The following C8orf34 variants were observed in gnomAD, a reference collection of about 807,000 sequenced individuals.
The protein encoded by C8orf34 is chromosome 8 open reading frame 34.
Under a neutral mutation model 68.3 loss-of-function variants are expected in C8orf34, and 65 were observed. That is an observed-to-expected ratio of 0.95 (90% CI 0.78 to 1.17). C8orf34 has a LOEUF of 1.17. Ranked by LOEUF, C8orf34 falls within the 50% of genes most tolerant of loss-of-function variation. C8orf34 has a pLI of 0.00. For missense variants in C8orf34, 664 were observed against 655.4 expected (o/e 1.01, Z -0.14); for synonymous variants, 244 against 241.2 (o/e 1.01, Z -0.11).
intron 7 of C8orf34, among the ~76,000 whole-genome samples, chr8:68,585,658 G>A (rs1423405343): frequency 6.6e-6 from 1 of 152,046 alleles, no homozygotes; most frequent in Non-Finnish European, 1.5e-5. Context: ...GCAGTCAGTG[G>A]GTCAGCCAGG....
At chr8:68,756,086 C>CAAA (rs11393381) in intron 10 of C8orf34, among the ~76,000 whole-genome samples, 1 of 145,830 alleles carries the variant, frequency 6.9e-6, no homozygotes, top group Non-Finnish European at 1.5e-5. Flanking sequence ...AACAAAAAAA[C>CAAA]AAAAAAAAAA....
intron 7 of C8orf34, among the ~76,000 whole-genome samples, chr8:68,538,461 T>C (rs1196156967): frequency 6.8e-6 from 1 of 146,160 alleles, no homozygotes; most frequent in Non-Finnish European, 1.5e-5. Flanking sequence ...GATATTTCTC[T>C]AAAGTGCTTT....
intron 1 of C8orf34, among the ~76,000 whole-genome samples, chr8:68,418,773 GC>G (rs1809798451): frequency 6.6e-6 from 1 of 152,026 alleles, no homozygotes. Context: ...AAACTGGCTA[GC>G]CATATGTAGA....
intron 1 of C8orf34, among the ~76,000 whole-genome samples, chr8:68,377,144 C>G (rs898740317): frequency 4.6e-5 from 7 of 152,118 alleles, no homozygotes; most frequent in African/African-American, 1.7e-4. Flanking sequence ...GTAATCCTAG[C>G]TCTTTGGAAG....
intron 7 of C8orf34, among the ~76,000 whole-genome samples, chr8:68,584,215 C>G (rs1445154815): frequency 6.6e-6 from 1 of 152,006 alleles, no homozygotes; most frequent in African/African-American, 2.4e-5. Flanking sequence ...TGAAATGGTA[C>G]CTTCAGAATG....
chr8:68,391,556 A>G (rs1367266266), intron 1 of C8orf34, among the ~76,000 whole-genome samples: 1 of 152,138 alleles, frequency 6.6e-6, no homozygotes, highest in African/African-American at 2.4e-5. Flanking sequence ...TTAACTAATT[A>G]TTTATCTTCT....
rs1210429048 is a variant in C8orf34, at chr8:68,532,678, T to C, written c.939-305T>C. On this transcript the variant is annotated intron_variant, in intron 6 of 13. Coordinates refer to ENST00000518698, the MANE Select transcript of C8orf34 (RefSeq NM_052958.4). ...AAATCAGGGACTAATAATCTGGACC[T>C]TCTAGCTCTTCTTTAAAAATCAGAA... 2.0e-5 allele frequency among the ~76,000 whole-genome samples: 3 copies of C among 152,334 alleles called. No individual in the cohort carries two copies. The East Asian group carries it at 5.8e-4, about 29-fold the overall frequency.
intron 10 of C8orf34, among the ~76,000 whole-genome samples, chr8:68,755,097 A>C (rs551039662): frequency 6.6e-5 from 10 of 152,332 alleles, no homozygotes; most frequent in African/African-American, 2.4e-4. Flanking sequence ...GTCATTATAA[A>C]TATTCACACT....
chr8:68,512,607 T>A (rs1197794998), intron 5 of C8orf34, among the ~76,000 whole-genome samples: 1 of 152,144 alleles, frequency 6.6e-6, no homozygotes, highest in Non-Finnish European at 1.5e-5. Flanking sequence ...TATAACCTTT[T>A]ATAACTAAAT....
chr8:68,535,244 A>G (rs1416831812), intron 7 of C8orf34: 3 of 978,986 alleles, frequency 3.1e-6, no homozygotes, highest in Non-Finnish European at 3.6e-6. Flanking sequence ...GAGTTTATAT[A>G]GAATCATTGT....
At chr8:68,476,884 T>C (rs1053488846) in intron 4 of C8orf34, among the ~76,000 whole-genome samples, 2 of 152,230 alleles carry the variant, frequency 1.3e-5, no homozygotes, top group African/African-American at 4.8e-5. Context: ...CTGCAGTTGC[T>C]TATCACAAAA....
At chr8:68,351,487 A>G (rs1252073072) in intron 1 of C8orf34, among the ~76,000 whole-genome samples, 2 of 152,024 alleles carry the variant, frequency 1.3e-5, no homozygotes, top group Admixed American at 6.6e-5. Context: ...GTATTTCCTG[A>G]ATTTGACTAC....
In C8orf34 at chr8:68,388,581, C is replaced by A. The variant is rs144025689; in HGVS notation, c.328-50918C>A. Among the ~76,000 whole-genome samples, 674 of 152,170 alleles carry A rather than the reference C, an allele frequency of 4.4e-3. 2 individuals are homozygous for A. The highest frequency in any genetic ancestry group is 7.0e-3 in the Non-Finnish European group (476 of 67,974). ...CCTTCAACTCACACACATAGTTTAGCCAGCCTGAGGCAATATGGCATCATG... is the reference window on the plus strand; with the variant it reads ...CCTTCAACTCACACACATAGTTTAGACAGCCTGAGGCAATATGGCATCATG... On this transcript the variant is annotated intron_variant, in intron 1 of 13. Coordinates refer to ENST00000518698, the MANE Select transcript of C8orf34 (RefSeq NM_052958.4).
At chr8:68,370,469 A>T (rs543640623) in intron 1 of C8orf34, among the ~76,000 whole-genome samples, 16 of 152,296 alleles carry the variant, frequency 1.1e-4, no homozygotes, top group African/African-American at 3.6e-4. Flanking sequence ...GAAGGCAGCT[A>T]GTATGGAGCC....
chr8:68,463,106 G>C (rs1417335517), intron 3 of C8orf34, among the ~76,000 whole-genome samples: 2 of 151,922 alleles, frequency 1.3e-5, no homozygotes, highest in Non-Finnish European at 2.9e-5. Flanking sequence ...TGATAAAGGG[G>C]ATATCACCAC....
chr8:68,339,171 T>C (rs1198258272), intron 1 of C8orf34, among the ~76,000 whole-genome samples: 1 of 152,176 alleles, frequency 6.6e-6, no homozygotes, highest in East Asian at 1.9e-4. Context: ...TTGATTCAGA[T>C]TGTGTTGAAT....
chr8:68,468,901 AT>A, intron 4 of C8orf34, 81 bp downstream of exon 4: 1 of 1,419,410 alleles, frequency 7.0e-7, no homozygotes, highest in Non-Finnish European at 9.6e-7. Context: ...CCAATAACCC[AT>A]TTCTAACATC....
chr8:68,694,048 C>T (rs1443918195), intron 8 of C8orf34, among the ~76,000 whole-genome samples: 1 of 152,006 alleles, frequency 6.6e-6, no homozygotes, highest in Non-Finnish European at 1.5e-5. Flanking sequence ...TACGTGGATG[C>T]TCCGAAAAAT....
chr8:68,580,139 C>A (rs1365882321), intron 7 of C8orf34, among the ~76,000 whole-genome samples: 1 of 152,014 alleles, frequency 6.6e-6, no homozygotes, highest in East Asian at 1.9e-4. Flanking sequence ...GAGAATTATT[C>A]ATTCGCAGAA....
Sources: allele counts gnomAD v4.1 joint callset (sites outside exome capture counted in the v4.1 genomes callset), GRCh38; gene constraint gnomAD v4.1.1; transcripts MANE v1.5; gene names NCBI Gene and HGNC (gene_info 2026-07-23, HGNC 2026-07-21).